Variants in ZBED6 observed in about 807,000 individuals in gnomAD.
ZBED6 encodes the protein zinc finger BED-type containing 6, also known as zinc finger BED domain-containing protein 6.
ZBED6 carries 40 observed loss-of-function variants against 58.4 expected under a neutral mutation model. That is an observed-to-expected ratio of 0.68 (90% CI 0.53 to 0.89). The LOEUF (loss-of-function observed/expected upper bound fraction) is 0.89, where lower values mean the gene tolerates loss of function less well. Among genes scored for constraint, ZBED6 ranks in the 40% least tolerant of loss-of-function variants. ZBED6 has a pLI of 0.00. For synonymous variants in ZBED6, 439 were observed against 350.6 expected (o/e 1.25, Z -2.82); for missense variants, 1,057 against 1,003.9 (o/e 1.05, Z -0.71).
intron 3 of ZBED6, among the ~76,000 whole-genome samples, chr1:203,821,065 C>G (rs1346671763): frequency 1.3e-5 from 2 of 152,108 alleles, no homozygotes; most frequent in African/African-American, 2.4e-5. Flanking sequence ...ATCGTAATCC[C>G]CATGTGTTAA....
exon 1 of ZBED6, chr1:203,797,994 G>A (rs1669204819): frequency 2.0e-6 from 3 of 1,534,024 alleles, no homozygotes; most frequent in Non-Finnish European, 1.7e-6. Context: ...TGAGAAAAGC[G>A]TCAGCAGGGG....
Position 203,799,583 on chromosome 1 carries a change from T to G in ZBED6, c.2061T>G (p.Tyr687Ter). Residue 687 changes from tyrosine (Y) to a stop codon, truncating the protein, a stop_gained, in exon 1 of 17, where the codon TAT (tyrosine) becomes TAG (stop). Transcript: ENST00000550078. LOFTEE classifies it high-confidence loss of function. ...CCCTTCAGTGGACTCTAATGACTTA[T>G]GTTTGTGATATTCTTAAGCCATTTG... 1.4e-6 allele frequency: 1 copy of G among 703,106 alleles called. No homozygotes were observed. Among genetic ancestry groups the G allele is most frequent in the Non-Finnish European group, 2.6e-6 (1 of 385,082 alleles). The allele number at this position is 703,106 out of a possible 1,614,324, so 43.6% of individuals were successfully genotyped here. A position where few individuals can be genotyped will look rare whatever the true frequency, so the allele number is the denominator to read the frequency against.
intron 9 of ZBED6, 74 bp downstream of exon 9, chr1:203,833,927 T>C (rs1683349795): frequency 2.0e-6 from 3 of 1,529,244 alleles, no homozygotes; most frequent in East Asian, 2.3e-5. Context: ...TCCAAACTCT[T>C]TTTATACAGA....
chr1:203,832,811 C>G (rs11240587), intron 8 of ZBED6, among the ~76,000 whole-genome samples: 149,426 of 152,378 alleles, frequency 0.98, 73,338 homozygotes, highest in East Asian at 1. Flanking sequence ...TTATATTGGA[C>G]AGTTAACATC....
At chr1:203,802,825 G>T (rs1389880517) in exon 1 of ZBED6, 3 of 152,212 alleles carry the variant, frequency 2.0e-5, no homozygotes, top group African/African-American at 2.4e-5. Context: ...TCTCCCAGTA[G>T]TTGGGAGATG....
intron 11 of ZBED6, 31 bp downstream of exon 11, chr1:203,840,405 A>AT: frequency 6.3e-7 from 1 of 1,595,164 alleles, no homozygotes; most frequent in Non-Finnish European, 8.5e-7. Context: ...GATTCTGATT[A>AT]TTTTTTTCTT....
chr1:203,829,381 G>A, intron 4 of ZBED6, 70 bp from the exon 5 acceptor site: 2 of 1,491,202 alleles, frequency 1.3e-6, no homozygotes, highest in East Asian at 2.3e-5. Context: ...TTTCATAGGT[G>A]GTCAGGAATT....
intron 3 of ZBED6, among the ~76,000 whole-genome samples, chr1:203,824,933 C>T (rs966494803): frequency 2.0e-5 from 3 of 151,708 alleles, no homozygotes; most frequent in African/African-American, 7.3e-5. Context: ...AAAAATTAGC[C>T]GGGCATGGTG....
intron 1 of ZBED6, among the ~76,000 whole-genome samples, chr1:203,811,657 G>A (rs1674524169): frequency 1.3e-5 from 2 of 151,934 alleles, no homozygotes; most frequent in Admixed American, 1.3e-4. Flanking sequence ...TACAGTTGTG[G>A]GCTACCACGC....
intron 10 of ZBED6, among the ~76,000 whole-genome samples, chr1:203,839,359 A>G (rs1685372341): frequency 1.3e-5 from 2 of 152,330 alleles, no homozygotes; most frequent in South Asian, 4.1e-4. Flanking sequence ...AGAATTCTTT[A>G]TAGTTGAAGG....
intron 1 of ZBED6, among the ~76,000 whole-genome samples, chr1:203,808,790 C>T (rs1571974970): frequency 6.6e-6 from 1 of 151,982 alleles, no homozygotes; most frequent in South Asian, 2.1e-4. Flanking sequence ...TCGTCGTCAT[C>T]GCCATCTTCT....
intron 13 of ZBED6, among the ~76,000 whole-genome samples, chr1:203,848,626 G>A (rs57003755): frequency 1.6e-4 from 25 of 152,086 alleles, no homozygotes; most frequent in African/African-American, 4.6e-4. Flanking sequence ...GGTGGCTCAC[G>A]CCTGTAATCC....
intron 3 of ZBED6, among the ~76,000 whole-genome samples, chr1:203,821,452 A>G (rs1289221673): frequency 6.6e-6 from 1 of 152,014 alleles, no homozygotes; most frequent in Non-Finnish European, 1.5e-5. Context: ...ATTGACCCAG[A>G]TTTGGCAAGT....
At chr1:203,801,879 C>T (rs1428047378) in exon 1 of ZBED6, 3 of 151,658 alleles carry the variant, frequency 2.0e-5, no homozygotes, top group Non-Finnish European at 4.4e-5. Context: ...ATCTCAACTC[C>T]AAAAGTTTAC....
exon 17 of ZBED6, chr1:203,852,404 G>T: frequency 6.2e-7 from 1 of 1,613,320 alleles, no homozygotes; most frequent in Non-Finnish European, 8.5e-7. Flanking sequence ...AGCTGAAGGT[G>T]GTAGTGAGGA....
chr1:203,798,625 C>T, exon 1 of ZBED6: 1 of 1,536,116 alleles, frequency 6.5e-7, no homozygotes, highest in Non-Finnish European at 8.7e-7. Context: ...GACTCTGATT[C>T]AGATGAACCT....
chr1:203,848,416 A>G lies in ZBED6; in HGVS notation c.*4322+9A>G, dbSNP rs1481465481. 1 of 1,600,576 alleles carries G rather than the reference A, an allele frequency of 6.2e-7. No individual in the cohort carries two copies. The highest frequency in any genetic ancestry group is 1.7e-5 in the Admixed American group (1 of 57,546). ...GAACAGAAGCTAAAGAGGTAAATTT[A>G]AGATTATTGTATGGTTTTGTTCATG... On this transcript the variant is annotated intron_variant, in intron 13 of 16. Coordinates refer to ENST00000550078, the Ensembl canonical transcript of ZBED6.
exon 1 of ZBED6, chr1:203,800,317 G>T: frequency 1.1e-6 from 1 of 890,426 alleles, no homozygotes; most frequent in East Asian, 2.6e-5. Flanking sequence ...CAGATCATGA[G>T]CCTGGACTTT....
intron 8 of ZBED6, among the ~76,000 whole-genome samples, 173 bp from the exon 9 acceptor site, chr1:203,833,618 G>GTT (rs553171669): frequency 3.2e-5 from 4 of 124,832 alleles, no homozygotes; most frequent in African/African-American, 8.8e-5. Flanking sequence ...ATAGGTTTGG[G>GTT]TTTTTTTTTT....
Sources: allele counts gnomAD v4.1 joint callset (sites outside exome capture counted in the v4.1 genomes callset), GRCh38; gene constraint gnomAD v4.1.1; transcripts MANE v1.5; gene names NCBI Gene and HGNC (gene_info 2026-07-23, HGNC 2026-07-21).